Variants in CYP4X1 observed in about 807,000 individuals in gnomAD.
CYP4X1 encodes cytochrome P450 4X1.
Under a neutral mutation model 57.9 loss-of-function variants are expected in CYP4X1, and 44 were observed. The ratio of observed to expected loss-of-function variants is 0.76; its 90% CI spans 0.60 to 0.98. CYP4X1 has a LOEUF of 0.98. Ranked by LOEUF, CYP4X1 falls within the 50% of genes least tolerant of loss-of-function variation. The probability of loss-of-function intolerance (pLI) is 0.00; values close to 1 mark genes in which losing one functional copy is unlikely to be tolerated. For missense variants in CYP4X1, 532 were observed against 623.9 expected, an observed-to-expected ratio of 0.85 and a Z score of 1.57; for synonymous variants, 227 against 228.6, an observed-to-expected ratio of 0.99 and a Z score of 0.06.
the CYP4X1 span, among the ~76,000 whole-genome samples, chr1:46,982,321 C>A: frequency 1.3e-5 from 2 of 152,200 alleles, no homozygotes; most frequent in Non-Finnish European, 2.9e-5. Flanking sequence ...TTGATAACAT[C>A]CAGGTTTTGA....
the CYP4X1 span, among the ~76,000 whole-genome samples, chr1:47,012,760 C>A: frequency 6.6e-6 from 1 of 152,094 alleles, no homozygotes. Context: ...ACAGAGTGGT[C>A]TGGAGGACTG....
chr1:46,993,163 A>T, the CYP4X1 span, among the ~76,000 whole-genome samples: 181 of 137,476 alleles, frequency 1.3e-3, no homozygotes, highest in South Asian at 9.1e-3. Flanking sequence ...ATTCCCACCT[A>T]TGAGTGAGAA....
At chr1:46,962,274 G>A in the CYP4X1 span, among the ~76,000 whole-genome samples, 7 of 151,942 alleles carry the variant, frequency 4.6e-5, no homozygotes, top group East Asian at 1.9e-4. Flanking sequence ...ACACTGCCAC[G>A]CCTGGCTAAT....
the CYP4X1 span, among the ~76,000 whole-genome samples, chr1:46,991,854 CT>C: frequency 6.6e-6 from 1 of 152,294 alleles, no homozygotes; most frequent in African/African-American, 2.4e-5. Context: ...TCTTATAGAT[CT>C]GATTCTCCTC....
chr1:47,030,887 G>T (rs1644117375), intron 2 of CYP4X1, among the ~76,000 whole-genome samples: 1 of 152,102 alleles, frequency 6.6e-6, no homozygotes, highest in African/African-American at 2.4e-5. Flanking sequence ...CGAGACCAGG[G>T]GTAGGAGTGG....
Position 47,023,748 on chromosome 1 carries a change from T to G in CYP4X1, c.-70T>G. 1 of 1,548,024 alleles carries G rather than the reference T, an allele frequency of 6.5e-7. No homozygotes were observed. The highest frequency in any genetic ancestry group is 1.8e-5 in the Admixed American group (1 of 54,270). On this transcript the variant is annotated 5_prime_UTR_variant, in exon 1 of 12. Coordinates refer to ENST00000371901, the MANE Select transcript of CYP4X1 (RefSeq NM_178033.2). ...GTGGGGTGGGCGACCCTACGCCAGC[T>G]CCGGGCGGGAGAAAGCCCACCCTCT... is the stretch of plus-strand genomic sequence containing the variant.
intron 9 of CYP4X1, 59 bp from the exon 10 acceptor site, chr1:47,048,505 CA>C: frequency 1.3e-6 from 2 of 1,570,464 alleles, no homozygotes; most frequent in Non-Finnish European, 1.8e-6. Context: ...TGTTTAAGAG[CA>C]CAGTAGCCCA....
chr1:47,023,056 G>A (rs1393814028), upstream of CYP4X1, among the ~76,000 whole-genome samples: 2 of 152,166 alleles, frequency 1.3e-5, no homozygotes, highest in African/African-American at 2.4e-5. Context: ...GCAGCCACAC[G>A]AGGCTCTGAA....
the CYP4X1 span, among the ~76,000 whole-genome samples, chr1:47,013,319 T>G: frequency 6.6e-6 from 1 of 152,198 alleles, no homozygotes; most frequent in East Asian, 1.9e-4. Flanking sequence ...GAAGACAGAC[T>G]TTGGGAGCCA....
At chr1:47,044,502 C>A (rs1644280045) in intron 8 of CYP4X1, among the ~76,000 whole-genome samples, 1 of 151,450 alleles carries the variant, frequency 6.6e-6, no homozygotes, top group Admixed American at 6.6e-5. Flanking sequence ...TGGCTTTTAA[C>A]TTTATACTAG....
upstream of CYP4X1, among the ~76,000 whole-genome samples, chr1:47,021,205 C>A (rs1282437055): frequency 2.9e-5 from 4 of 136,542 alleles, no homozygotes; most frequent in African/African-American, 8.1e-5. Flanking sequence ...CCTCCAGAAT[C>A]ATATTTTTGA....
At chr1:46,996,486 G>A in the CYP4X1 span, among the ~76,000 whole-genome samples, 3 of 152,210 alleles carry the variant, frequency 2.0e-5, no homozygotes, top group Admixed American at 6.5e-5. Context: ...GTTTCTGTGT[G>A]AAAGTGAATG....
At chr1:47,049,555 G>A (rs778319190) in intron 11 of CYP4X1, 51 bp downstream of exon 11, 71 of 1,515,898 alleles carry the variant, frequency 4.7e-5, no homozygotes, top group Non-Finnish European at 6.0e-5. Context: ...TTACTTGAGA[G>A]TAGTTTATTC....
the CYP4X1 span, among the ~76,000 whole-genome samples, chr1:47,002,675 G>A: frequency 6.6e-6 from 1 of 152,174 alleles, no homozygotes. Context: ...GTGTCCAGCT[G>A]AATAGCTCAT....
At position 47,030,116 on chromosome 1, in the gene CYP4X1, C is replaced by G; in HGVS notation, c.304C>G (p.Leu102Val). Reference protein sequence around the residue: ...CIYDPDYAKTLLSRTDPKSQY... With the variant: ...CIYDPDYAKTVLSRTDPKSQY... ...CTATGACCCAGACTATGCAAAGACA[C>G]TTCTGAGCAGAACAGGTAAGAAGAG... Residue 102 changes from leucine (L) to valine (V), a missense_variant, in exon 2 of 12, where the codon CTT (leucine) becomes GTT (valine). Leu to Val is a conservative substitution (Grantham distance 32, BLOSUM62 1). Transcript: ENST00000371901. 2 of 1,613,848 alleles carry G rather than the reference C, an allele frequency of 1.2e-6. No homozygotes were observed. The highest frequency in any genetic ancestry group is 1.7e-6 in the Non-Finnish European group (2 of 1,179,844).
the CYP4X1 span, among the ~76,000 whole-genome samples, chr1:47,013,506 A>G: frequency 1.3e-5 from 2 of 152,310 alleles, no homozygotes; most frequent in Non-Finnish European, 2.9e-5. Context: ...CTAACTTGGC[A>G]GAAGCTGATG....
At chr1:47,036,296 A>G in intron 6 of CYP4X1, 125 bp downstream of exon 6, 2 of 1,178,440 alleles carry the variant, frequency 1.7e-6, no homozygotes, top group Non-Finnish European at 2.2e-6. Context: ...TTTTATATAG[A>G]CACTGCTCCA....
chr1:46,991,038 TAA>T, the CYP4X1 span, among the ~76,000 whole-genome samples: 38 of 138,598 alleles, frequency 2.7e-4, no homozygotes, highest in Middle Eastern at 3.6e-3. Context: ...TCCCAGAACT[TAA>T]AAAAAAAAAA....
At chr1:47,032,482 G>A (rs1644135263) in intron 3 of CYP4X1, among the ~76,000 whole-genome samples, 1 of 152,116 alleles carries the variant, frequency 6.6e-6, no homozygotes, top group African/African-American at 2.4e-5. Flanking sequence ...ACATGTAATG[G>A]CCACCATTGT....
Sources: allele counts gnomAD v4.1 joint callset (sites outside exome capture counted in the v4.1 genomes callset), GRCh38; gene constraint gnomAD v4.1.1; transcripts MANE v1.5; gene names NCBI Gene and HGNC (gene_info 2026-07-23, HGNC 2026-07-21).